BRICD5: variants seen among roughly 807,000 people sequenced by gnomAD.
BRICD5 encodes the protein BRICHOS domain containing 5.
BRICD5 carries 51 observed loss-of-function variants against 28.4 expected under a neutral mutation model. That is an observed-to-expected ratio of 1.80 (90% CI 1.43 to 2.27). The LOEUF is 2.27. BRICD5 is among the 30% of genes most tolerant of loss of function. The probability of loss-of-function intolerance (pLI) is 0.00; values close to 1 mark genes in which losing one functional copy is unlikely to be tolerated. For missense variants in BRICD5, 456 were observed against 309.6 expected (o/e 1.47, Z -3.55); for synonymous variants, 177 against 130.2 (o/e 1.36, Z -2.44).
chr16:2,209,564 C>T lies in BRICD5; in HGVS notation c.581G>A (p.Arg194Gln), dbSNP rs368043726. 4.5e-5 allele frequency: 72 copies of T among 1,611,884 alleles called. No homozygotes were observed. The highest frequency in any genetic ancestry group is 3.3e-4 in the Middle Eastern group (2 of 6,082). Reference sequence around the variant, plus strand: ...CGGTCCTGACTCACCCTCTGCTCGCCGGGCCCAGTAGATGGGGGTCCTCAT... The same window carrying T: ...CGGTCCTGACTCACCCTCTGCTCGCTGGGCCCAGTAGATGGGGGTCCTCAT... ...LCMRTPIYWA[R>Q]RAEGPRRQRL... The change falls in exon 5 of 6, where the codon CGG becomes CAG. Residue 194 changes from arginine (R) to glutamine (Q), a missense_variant. By Grantham distance (43) the Arg-to-Gln change is conservative. Transcript: ENST00000328540.
chr16:2,210,188 TCGCCGCGTTCCGGGC>T lies in BRICD5; in HGVS notation c.259_273del (p.Ala87_Ala91del). On this transcript the variant is annotated inframe_deletion, in exon 3 of 6. Coordinates refer to ENST00000328540, the MANE Select transcript of BRICD5 (RefSeq NM_182563.4). ...CTCTGAGGTGGGGTCACTGTGATGG[TCGCCGCGTTCCGGGC>T]CACGTCCACCAGGATGGTTTGGTTG... 1.2e-6 allele frequency: 2 copies of T among 1,602,482 alleles called. No homozygotes were observed. The highest frequency in any genetic ancestry group is 2.2e-5 in the South Asian group (2 of 89,814).
intron 4 of BRICD5, 96 bp from the exon 5 acceptor site, chr16:2,209,802 C>T (rs563393906): frequency 7.0e-6 from 10 of 1,422,200 alleles, no homozygotes; most frequent in Middle Eastern, 2.6e-4. Flanking sequence ...GATGTCCCCA[C>T]CCTCAGCTCT....
chr16:2,209,920 C>T, intron 4 of BRICD5, 30 bp downstream of exon 4: 2 of 1,488,150 alleles, frequency 1.3e-6, no homozygotes, highest in Non-Finnish European at 8.9e-7. Flanking sequence ...TAGCCCCTGG[C>T]CCGGGCCTGC....
chr16:2,210,584 CCAG>C lies in BRICD5; in HGVS notation c.115_117del (p.Leu39del), dbSNP rs745438012. On this transcript the variant is annotated inframe_deletion, in exon 2 of 6. Coordinates refer to ENST00000328540, the MANE Select transcript of BRICD5 (RefSeq NM_182563.4). ...GCCACAACCCCCACAGCGGCCAGCA[CCAG>C]CAGCAGCAGCAGCAGGAGCAGGCTC... 424 of 1,277,654 alleles carry C rather than the reference CCAG, an allele frequency of 3.3e-4. No individual in the cohort carries two copies. Among genetic ancestry groups the C allele is most frequent in the South Asian group, 8.3e-4 (55 of 66,660 alleles). The allele number at this position is 1,277,654 out of a possible 1,614,324, so 79.1% of individuals were successfully genotyped here.
intron 4 of BRICD5, 52 bp downstream of exon 4, chr16:2,209,898 G>A (rs536316746): frequency 1.2e-5 from 18 of 1,458,828 alleles, no homozygotes; most frequent in Admixed American, 7.8e-5. Context: ...GCTGCACACA[G>A]GACCCTTTGT....
Position 2,210,852 on chromosome 16 carries a change from A to G in BRICD5, c.-19T>C, listed in dbSNP as rs372881974. 1.2e-6 allele frequency: 2 copies of G among 1,600,544 alleles called. No individual in the cohort carries two copies. Among genetic ancestry groups the G allele is most frequent in the East Asian group, 2.2e-5 (1 of 44,872 alleles). On this transcript the variant is annotated 5_prime_UTR_variant, in exon 1 of 6. Transcript: ENST00000328540. Reference sequence around the variant, plus strand: ...GTTCCATCCTGCAGCCCCTGCTCACAATGTGCCGATTGTCTGCGTCCCTTG... The same window carrying G: ...GTTCCATCCTGCAGCCCCTGCTCACGATGTGCCGATTGTCTGCGTCCCTTG...
At chr16:2,210,406 G>A (rs1044018131) in intron 2 of BRICD5, 116 bp downstream of exon 2, 2 of 1,533,162 alleles carry the variant, frequency 1.3e-6, no homozygotes, top group African/African-American at 1.4e-5. Context: ...CTGGCTGTCT[G>A]CTCCTAGGTG....
chr16:2,210,858 C>G lies in BRICD5; in HGVS notation c.-25G>C, dbSNP rs567360004. 1.9e-6 allele frequency: 3 copies of G among 1,600,050 alleles called. No homozygotes were observed. Among genetic ancestry groups the G allele is most frequent in the African/African-American group, 2.7e-5 (2 of 75,036 alleles). Reference sequence around the variant, plus strand: ...TCCTGCAGCCCCTGCTCACAATGTGCCGATTGTCTGCGTCCCTTGTCTGCA... The same window carrying G: ...TCCTGCAGCCCCTGCTCACAATGTGGCGATTGTCTGCGTCCCTTGTCTGCA... On this transcript the variant is annotated 5_prime_UTR_variant, in exon 1 of 6. Coordinates refer to ENST00000328540, the MANE Select transcript of BRICD5 (RefSeq NM_182563.4).
chr16:2,210,608 G>GGCCCAC lies in BRICD5; in HGVS notation c.93_94insGTGGGC (p.Ser31_Leu32insValGly). 6.2e-7 allele frequency: 1 copy of GGCCCAC among 1,612,544 alleles called. No homozygotes were observed. The highest frequency in any genetic ancestry group is 1.1e-5 in the South Asian group (1 of 91,054). On this transcript the variant is annotated inframe_insertion, in exon 2 of 6. Transcript: ENST00000328540. ...ACCAGCAGCAGCAGCAGCAGGAGCA[G>GGCCCAC]GCTCACGGCTCTCCAGCCCCCGCAG...
rs756940448 is a variant in BRICD5, at chr16:2,209,355, C to G, written c.*7G>C. 2 of 1,607,980 alleles carry G rather than the reference C, an allele frequency of 1.2e-6. No homozygotes were observed. The highest frequency in any genetic ancestry group is 3.3e-5 in the Admixed American group (2 of 59,846). On this transcript the variant is annotated 3_prime_UTR_variant, in exon 6 of 6. Transcript: ENST00000328540. ...GGGGACGGGCCAGGCTGGGCCAGGT[C>G]GGGGGCTCAGTCTGGGAGGTAATAA...
At chr16:2,210,492 C>G in intron 2 of BRICD5, 30 bp downstream of exon 2, 3 of 1,584,822 alleles carry the variant, frequency 1.9e-6, no homozygotes, top group Non-Finnish European at 2.6e-6. Flanking sequence ...TTTCCACTGT[C>G]CATGTCCCTG....
chr16:2,209,490 C>T (rs757875029), intron 5 of BRICD5, 34 bp from the exon 6 acceptor site: 3 of 1,613,144 alleles, frequency 1.9e-6, no homozygotes, highest in Non-Finnish European at 2.5e-6. Context: ...TCCAAGGGCT[C>T]CGCCCCCAGC....
chr16:2,209,818 G>T (rs1330847341), intron 4 of BRICD5, 112 bp from the exon 5 acceptor site: 5 of 1,402,490 alleles, frequency 3.6e-6, no homozygotes, highest in Non-Finnish European at 3.9e-6. Context: ...GCTCTTGTCA[G>T]CAGCCTGGGC....
At position 2,210,571 on chromosome 16, in the gene BRICD5, A is replaced by C; in HGVS notation, c.131T>G (p.Val44Gly). 6.2e-7 allele frequency: 1 copy of C among 1,612,562 alleles called. No homozygotes were observed. Among genetic ancestry groups the C allele is most frequent in the Non-Finnish European group, 8.5e-7 (1 of 1,179,732 alleles). ...AAGAAGCCCTCCAGCCACAACCCCC[A>C]CAGCGGCCAGCACCAGCAGCAGCAG... ...LLLLLLVLAA[V>G]GVVAGGLLGS... The change falls in exon 2 of 6, where the codon GTG becomes GGG. Residue 44 changes from valine (V) to glycine (G), a missense_variant. Coordinates refer to ENST00000328540, the MANE Select transcript of BRICD5 (RefSeq NM_182563.4).
rs141214489 is a variant in BRICD5, at chr16:2,210,192, C to A, written c.270G>T (p.Ala90=). The change falls in exon 3 of 6, where the codon GCG becomes GCT. Residue 90 remains alanine, a synonymous_variant. Transcript: ENST00000328540. ...QTILVDVARN[A]ATITVTPPQS... is the part of the protein sequence containing the mutation. ...GAGGTGGGGTCACTGTGATGGTCGC[C>A]GCGTTCCGGGCCACGTCCACCAGGA... The A allele has an allele frequency of 3.8e-6, 6 of 1,599,792 alleles. No homozygotes were observed. The highest frequency in any genetic ancestry group is 5.1e-6 in the Non-Finnish European group (6 of 1,174,970).
chr16:2,210,801 G>C lies in BRICD5; in HGVS notation c.33C>G (p.Pro11=), dbSNP rs142411784. 5 of 1,605,112 alleles carry C rather than the reference G, an allele frequency of 3.1e-6. No homozygotes were observed. The African/African-American group carries it at 5.3e-5, about 17-fold the overall frequency. ...CACTCACCCCTGTAGGCCCAGGTTT[G>C]GGGCGCTCAGCACAGCAGCTTGCTG... MEPASCCAER[P]KPGPTGVKTK... Residue 11 remains proline, a synonymous_variant, in exon 1 of 6, where the codon CCC becomes CCG. Coordinates refer to ENST00000328540, the MANE Select transcript of BRICD5 (RefSeq NM_182563.4).
intron 2 of BRICD5, 34 bp downstream of exon 2, chr16:2,210,488 C>T: frequency 6.4e-7 from 1 of 1,569,914 alleles, no homozygotes; most frequent in Non-Finnish European, 8.7e-7. Context: ...TCCCTTTCCA[C>T]TGTCCATGTC....
intron 2 of BRICD5, 65 bp downstream of exon 2, chr16:2,210,457 G>A (rs1264546525): frequency 6.5e-7 from 1 of 1,546,298 alleles, no homozygotes; most frequent in South Asian, 1.2e-5. Context: ...GCTGGAGGCT[G>A]GGATATGCCA....
rs748611274 is a variant in BRICD5 at position 2,209,326 on chromosome 16, G to A, written c.*36C>T. 1.9e-6 allele frequency: 3 copies of A among 1,584,934 alleles called. No homozygotes were observed. Among genetic ancestry groups the A allele is most frequent in the South Asian group, 2.2e-5 (2 of 89,030 alleles). On this transcript the variant is annotated 3_prime_UTR_variant, in exon 6 of 6. Transcript: ENST00000328540. Reference sequence around the variant, plus strand: ...TGCAGGTGGCCTGGCCAGCCCACTGGATTGGGGACGGGCCAGGCTGGGCCA... The same window carrying A: ...TGCAGGTGGCCTGGCCAGCCCACTGAATTGGGGACGGGCCAGGCTGGGCCA...
Sources: allele counts gnomAD v4.1 joint callset, GRCh38; gene constraint gnomAD v4.1.1; transcripts MANE v1.5; gene names NCBI Gene and HGNC (gene_info 2026-07-23, HGNC 2026-07-21).